HTT: variants seen among roughly 807,000 people sequenced by gnomAD.
HTT encodes the protein huntingtin.
A neutral mutation model predicts 362.3 loss-of-function variants in HTT; 104 were observed. The ratio of observed to expected loss-of-function variants is 0.29; its 90% CI spans 0.24 to 0.34. The LOEUF is 0.34. Ranked by LOEUF, HTT falls within the 10% of genes least tolerant of loss-of-function variation. The probability of loss-of-function intolerance (pLI) is 1.00; values close to 1 mark genes in which losing one functional copy is unlikely to be tolerated. For synonymous variants in HTT, 1,577 were observed against 1,548.7 expected (o/e 1.02, Z -0.43); for missense variants, 3,301 against 3,928.6 (o/e 0.84, Z 4.27).
intron 41 of HTT, 66 bp downstream of exon 41, chr4:3,200,005 C>T: frequency 1.5e-6 from 2 of 1,374,998 alleles, no homozygotes; most frequent in Non-Finnish European, 2.0e-6. Flanking sequence ...CTCCCAGTAA[C>T]CTGAGCTTTG....
At chr4:3,124,512 G>A (rs971716881) in intron 10 of HTT, among the ~76,000 whole-genome samples, 1 of 152,182 alleles carries the variant, frequency 6.6e-6, no homozygotes, top group African/African-American at 2.4e-5. Context: ...GGGGTGTCCT[G>A]GAGCCTCTCT....
At position 3,146,877 on chromosome 4, in the gene HTT, C is replaced by T. The variant is rs1391168149; in HGVS notation, c.3224C>T (p.Ser1075Leu). Residue 1075 changes from serine to leucine, a missense_variant, in exon 25 of 67, where the codon TCG (serine) becomes TTG (leucine). By Grantham distance (145) the Ser-to-Leu change is moderately radical (BLOSUM62 -2). Around this residue, in one of 4 missense-constraint regions of HTT, gnomAD observed 2,316 missense variants for 2,658.5 expected, o/e 0.87. Transcript: ENST00000355072. ...GCCACAATGATTCTGACCCTGCTCT[C>T]GTCAGCTTGGTTCCCATTGGATCTC... ...GMATMILTLL[S>L]SAWFPLDLSA... The T allele has an allele frequency of 1.4e-5, 23 of 1,614,128 alleles. No individual in the cohort carries two copies. The highest frequency in any genetic ancestry group is 2.2e-5 in the East Asian group (1 of 44,874).
chr4:3,214,056 C>G lies in HTT; in HGVS notation c.6873C>G (p.Leu2291=), dbSNP rs755589211. ...GCCTGGCCCTGCAGCTGCCTGGCCT[C>G]TGGAGCGTGGTCTCCTCCACAGAGT... ...CCCLALQLPG[L]WSVVSSTEFV... The change falls in exon 50 of 67, where the codon CTC becomes CTG. Residue 2291 remains leucine, a synonymous_variant. Coordinates refer to ENST00000355072, the MANE Select transcript of HTT (RefSeq NM_001388492.1). 6.2e-6 allele frequency: 10 copies of G among 1,610,038 alleles called. No homozygotes were observed. The highest frequency in any genetic ancestry group is 8.5e-6 in the Non-Finnish European group (10 of 1,178,080).
intron 59 of HTT, among the ~76,000 whole-genome samples, chr4:3,229,505 A>C (rs548529745): frequency 1.5e-4 from 22 of 146,022 alleles, no homozygotes; most frequent in Admixed American, 2.0e-4. Flanking sequence ...CGCCACGTGC[A>C]CACACCCCAC....
At chr4:3,220,791 G>A (rs1720635178) in intron 53 of HTT, among the ~76,000 whole-genome samples, 1 of 152,158 alleles carries the variant, frequency 6.6e-6, no homozygotes, top group Non-Finnish European at 1.5e-5. Context: ...GAGAAAGCAG[G>A]CTTGGGGCTC....
chr4:3,230,127 G>A (rs1292158746), intron 60 of HTT, 85 bp downstream of exon 60: 26 of 1,179,166 alleles, frequency 2.2e-5, no homozygotes, highest in South Asian at 5.1e-5. Flanking sequence ...CAGAGGTGCC[G>A]GGTGCGGCTG....
At chr4:3,205,277 G>A (rs1245324050) in intron 42 of HTT, among the ~76,000 whole-genome samples, 1 of 151,976 alleles carries the variant, frequency 6.6e-6, no homozygotes, top group East Asian at 1.9e-4. Flanking sequence ...TAAAACATAT[G>A]CATTTCTTTG....
intron 40 of HTT, 105 bp downstream of exon 40, chr4:3,189,198 C>A: frequency 9.0e-7 from 1 of 1,106,582 alleles, no homozygotes; most frequent in Non-Finnish European, 1.3e-6. Flanking sequence ...TCTGCCTTGC[C>A]CAGTGTGCCA....
chr4:3,102,027 C>T lies in HTT; in HGVS notation c.469-1797C>T, dbSNP rs1001994671. On this transcript the variant is annotated intron_variant, in intron 3 of 66. Coordinates refer to ENST00000355072, the MANE Select transcript of HTT (RefSeq NM_001388492.1). ...ATGAGGGTCAGGTCAAGGGGTTGTA[C>T]CTTGTTTGGTAGAGAATTAGGGGCT... Among the ~76,000 whole-genome samples, 11 of 152,230 alleles carry T rather than the reference C, an allele frequency of 7.2e-5. 1 individual carries two copies. Among genetic ancestry groups the T allele is most frequent in the Admixed American group, 6.5e-4 (10 of 15,294 alleles).
chr4:3,221,528 T>C (rs983979564), intron 53 of HTT, among the ~76,000 whole-genome samples: 1 of 152,242 alleles, frequency 6.6e-6, no homozygotes, highest in Non-Finnish European at 1.5e-5. Context: ...TCTGTATCTG[T>C]GTCTGAATCA....
In HTT at chr4:3,237,844, T is replaced by C. The variant is rs570153958; in HGVS notation, c.8892-603T>C. 2.0e-5 allele frequency among the ~76,000 whole-genome samples: 3 copies of C among 152,214 alleles called. No individual in the cohort carries two copies. The South Asian group carries it at 6.2e-4, about 32-fold the overall frequency. On this transcript the variant is annotated intron_variant, in intron 64 of 66. Transcript: ENST00000355072. ...TGCTCAGGGGGCGTGTTTCAGGATCTGGTTAGGGAAGAAGCAGCGAGAGCA... is the reference window on the plus strand; with the variant it reads ...TGCTCAGGGGGCGTGTTTCAGGATCCGGTTAGGGAAGAAGCAGCGAGAGCA...
intron 3 of HTT, among the ~76,000 whole-genome samples, chr4:3,103,127 C>T (rs544150363): frequency 7.3e-5 from 11 of 151,722 alleles, no homozygotes; most frequent in East Asian, 1.9e-4. Context: ...CGTCTGAGCC[C>T]GTATCATCCA....
rs760624229 is a variant in HTT, at chr4:3,228,597, G to A, written c.7849-18G>A. 1.9e-6 allele frequency: 3 copies of A among 1,546,586 alleles called. No individual in the cohort carries two copies. Among genetic ancestry groups the A allele is most frequent in the Admixed American group, 2.0e-5 (1 of 49,800 alleles). On this transcript the variant is annotated intron_variant, in intron 57 of 66. Transcript: ENST00000355072. The surrounding 1 kb of genome is among the most constrained non-coding windows in gnomAD (Gnocchi z 4.3). ...CACTGTGGCCGCAGCACTGAGCAGT[G>A]CCCCGTTTCTGTGGCAGGTGTCCAT...
At chr4:3,182,330 T>C in intron 36 of HTT, 24 bp from the exon 37 acceptor site, 3 of 1,511,076 alleles carry the variant, frequency 2.0e-6, no homozygotes, top group Middle Eastern at 1.7e-4. Flanking sequence ...GCAGCAGACT[T>C]TCTAATTGTG....
intron 1 of HTT, among the ~76,000 whole-genome samples, chr4:3,077,431 A>AT (rs1473415992): frequency 6.6e-6 from 1 of 151,976 alleles, no homozygotes; most frequent in Non-Finnish European, 1.5e-5. Context: ...ATATCTATAT[A>AT]TTTTTTGAGA....
intron 21 of HTT, among the ~76,000 whole-genome samples, chr4:3,138,000 C>G (rs2110195414): frequency 6.6e-6 from 1 of 152,254 alleles, no homozygotes; most frequent in East Asian, 1.9e-4. Context: ...AGTAGATCAC[C>G]TAGAAGTGGA....
chr4:3,078,804 A>G (rs577284591), intron 1 of HTT, among the ~76,000 whole-genome samples: 1 of 147,924 alleles, frequency 6.8e-6, no homozygotes, highest in South Asian at 2.1e-4. Context: ...GCGCGATCTC[A>G]GCTCACTGCA....
Position 3,212,461 on chromosome 4 carries a change from T to C in HTT, c.6629-103T>C, listed in dbSNP as rs1331613149. On this transcript the variant is annotated intron_variant, in intron 48 of 66. Transcript: ENST00000355072. ...GTAGATGTGCCACTGAGGAACAATG[T>C]CTTGAGCTTTCATCAGATTCTCAGA... 3 of 1,411,528 alleles carry C rather than the reference T, an allele frequency of 2.1e-6. No individual in the cohort carries two copies. The African/African-American group carries it at 4.2e-5, about 20-fold the overall frequency. 87.4% of individuals were successfully genotyped at this position (1,411,528 alleles called of 1,614,324 possible).
Position 3,107,342 on chromosome 4 carries a change from A to G in HTT, c.666A>G (p.Glu222=). 1.2e-6 allele frequency: 2 copies of G among 1,614,252 alleles called. No individual in the cohort carries two copies. The highest frequency in any genetic ancestry group is 1.7e-6 in the Non-Finnish European group (2 of 1,180,024). Residue 222 remains glutamate, a synonymous_variant, in exon 6 of 67, where the codon GAA becomes GAG. Coordinates refer to ENST00000355072, the MANE Select transcript of HTT (RefSeq NM_001388492.1). The part of the protein sequence containing the change: ...CLTRTSKRPE[E]SVQETLAAAV... ...CTCGAACAAGCAAGAGACCCGAAGAATCAGTCCAGGAGACCTTGGCTGCAG... is the reference window on the plus strand; with the variant it reads ...CTCGAACAAGCAAGAGACCCGAAGAGTCAGTCCAGGAGACCTTGGCTGCAG...
Sources: allele counts gnomAD v4.1 joint callset (sites outside exome capture counted in the v4.1 genomes callset), GRCh38; gene constraint gnomAD v4.1.1; regional missense constraint gnomAD v4.1.1; non-coding constraint Gnocchi (gnomAD v3.1); transcripts MANE v1.5; gene names NCBI Gene and HGNC (gene_info 2026-07-23, HGNC 2026-07-21).